The following BACE1 variants were observed in gnomAD, a reference collection of about 807,000 sequenced individuals.
BACE1 encodes the protein APP beta-secretase.
A neutral mutation model predicts 54.0 loss-of-function variants in BACE1; 21 were observed. That is an observed-to-expected ratio of 0.39 (90% confidence interval 0.28 to 0.56). The LOEUF (loss-of-function observed/expected upper bound fraction) is 0.56, where lower values mean the gene tolerates loss of function less well. Ranked by LOEUF, BACE1 falls within the 20% of genes least tolerant of loss-of-function variation. The pLI is 0.63. For synonymous variants in BACE1, 232 were observed against 260.9 expected (o/e 0.89, Z 1.07); for missense variants, 511 against 661.2 (o/e 0.77, Z 2.49).
In BACE1 at chr11:117,290,626, A is replaced by T. The variant is rs2034397292; in HGVS notation, c.1126T>A (p.Ser376Thr). 1 of 1,614,042 alleles carries T rather than the reference A, an allele frequency of 6.2e-7. No individual in the cohort carries two copies. The highest frequency in any genetic ancestry group is 8.5e-7 in the Non-Finnish European group (1 of 1,180,034). The change falls in exon 8 of 9, where the codon TCC (serine) becomes ACC (threonine). Residue 376 changes from serine to threonine, a missense_variant. Ser to Thr is a moderately conservative substitution (Grantham distance 58). Around this residue, in one of 2 missense-constraint regions of BACE1, gnomAD observed 407 missense variants for 565.7 expected, o/e 0.72. Transcript: ENST00000313005. ...YLRPVEDVAT[S>T]QDDCYKFAIS... is the part of the protein sequence containing the mutation. ...GCAAACTTGTAACAGTCGTCTTGGGACGTGGCCACATCTTCCACTGGCCGC... is the reference window on the plus strand; with the variant it reads ...GCAAACTTGTAACAGTCGTCTTGGGTCGTGGCCACATCTTCCACTGGCCGC...
chr11:117,303,867 A>G (rs2034775799), intron 1 of BACE1, among the ~76,000 whole-genome samples: 1 of 152,192 alleles, frequency 6.6e-6, no homozygotes, highest in South Asian at 2.1e-4. Context: ...GAAGCCTTCC[A>G]TTTTACAGAG....
intron 1 of BACE1, among the ~76,000 whole-genome samples, chr11:117,311,838 A>G (rs1427509212): frequency 2.0e-5 from 3 of 151,952 alleles, no homozygotes; most frequent in African/African-American, 4.8e-5. Context: ...ACGGGGTTTC[A>G]CCATATTGGC....
At chr11:117,303,100 G>A (rs1049351466) in intron 1 of BACE1, among the ~76,000 whole-genome samples, 2 of 152,164 alleles carry the variant, frequency 1.3e-5, no homozygotes, top group African/African-American at 4.8e-5. Flanking sequence ...GTGGGGGATG[G>A]AGGGATCTCT....
In BACE1 at chr11:117,290,757, G is replaced by C. The variant is rs1478372511; in HGVS notation, c.1093-98C>G. ...ATGCCCTTCCCTTTACCATCCCTGA[G>C]CTCTAACGGGTTTTCTGAGACCCCT... On this transcript the variant is annotated intron_variant, in intron 7 of 8. Coordinates refer to ENST00000313005, the MANE Select transcript of BACE1 (RefSeq NM_012104.6). 5 of 1,556,216 alleles carry C rather than the reference G, an allele frequency of 3.2e-6. No homozygotes were observed. Among genetic ancestry groups the C allele is most frequent in the Non-Finnish European group, 4.4e-6 (5 of 1,147,646 alleles).
chr11:117,288,605 C>G lies in BACE1; in HGVS notation c.*961G>C, dbSNP rs1255009890. 1 of 152,650 alleles carries G rather than the reference C, an allele frequency of 6.6e-6. No homozygotes were observed. Among genetic ancestry groups the G allele is most frequent in the African/African-American group, 2.4e-5 (1 of 41,452 alleles). The allele number at this position is 152,650 out of a possible 1,614,324, so 9.5% of individuals were successfully genotyped here. Reference sequence around the variant, plus strand: ...CCAGCCCTGCTATAGTCCAGTTGCTCTCCCACAGGGCACCTGGAGCTTAGG... The same window carrying G: ...CCAGCCCTGCTATAGTCCAGTTGCTGTCCCACAGGGCACCTGGAGCTTAGG... On this transcript the variant is annotated 3_prime_UTR_variant, in exon 9 of 9. Transcript: ENST00000313005.
chr11:117,312,091 T>C (rs45614538), intron 1 of BACE1, among the ~76,000 whole-genome samples: 15 of 152,378 alleles, frequency 9.8e-5, no homozygotes, highest in Non-Finnish European at 1.6e-4. Flanking sequence ...TATTTGGCTC[T>C]ATTTTATTTA....
At chr11:117,306,937 T>C (rs2034845007) in intron 1 of BACE1, among the ~76,000 whole-genome samples, 1 of 152,076 alleles carries the variant, frequency 6.6e-6, no homozygotes, top group East Asian at 1.9e-4. Context: ...TCAGGAAATA[T>C]GGTGACAGAG....
At chr11:117,291,885 C>T (rs1440267204) in intron 5 of BACE1, 72 bp from the exon 6 acceptor site, 1 of 1,196,186 alleles carries the variant, frequency 8.4e-7, no homozygotes, top group African/African-American at 1.5e-5. Context: ...TAGGGGGTTA[C>T]TGCTGGGGCC....
intron 1 of BACE1, among the ~76,000 whole-genome samples, chr11:117,301,188 C>T (rs993049554): frequency 2.0e-5 from 3 of 152,186 alleles, no homozygotes; most frequent in African/African-American, 4.8e-5. Flanking sequence ...TCCTCTCTAA[C>T]GACCCTCTCC....
Position 117,315,232 on chromosome 11 carries a change from C to A in BACE1, c.261+303G>T, listed in dbSNP as rs576772651. On this transcript the variant is annotated intron_variant, in intron 1 of 8. Coordinates refer to ENST00000313005, the MANE Select transcript of BACE1 (RefSeq NM_012104.6). The surrounding 1 kb of genome is among the most constrained non-coding windows in gnomAD (Gnocchi z 5.5). ...GACACCTGTTATAGTGCCCCTGTGGCGGACCCTTCCTCCAGGTCAGGGTCC... is the reference window on the plus strand; with the variant it reads ...GACACCTGTTATAGTGCCCCTGTGGAGGACCCTTCCTCCAGGTCAGGGTCC... Among the ~76,000 whole-genome samples the A allele has an allele frequency of 2.0e-5, 3 of 152,180 alleles. No homozygotes were observed. The highest frequency in any genetic ancestry group is 4.4e-5 in the Non-Finnish European group (3 of 68,030).
In BACE1 at chr11:117,295,186, AT is replaced by A; in HGVS notation, c.511del (p.Ile171SerfsTer32). 6.2e-7 allele frequency: 1 copy of A among 1,614,174 alleles called. No individual in the cohort carries two copies. Among genetic ancestry groups the A allele is most frequent in the Non-Finnish European group, 8.5e-7 (1 of 1,180,030 alleles). Reference protein sequence around the residue: ...AAITESDKFFINGSNWEGILG... With the variant: ...AAITESDKFFXNGSNWEGILG... Reference sequence around the variant, plus strand: ...GATGCCTTCCCAGTTGGAGCCGTTGATGAAGAACTTGTCTGATTCAGTGATG... The same window carrying A: ...GATGCCTTCCCAGTTGGAGCCGTTGAGAAGAACTTGTCTGATTCAGTGATG... On this transcript the variant is annotated frameshift_variant, in exon 3 of 9. Transcript: ENST00000313005. LOFTEE classifies it high-confidence loss of function.
In BACE1 at chr11:117,287,202, G is replaced by C. The variant is rs1333418809; in HGVS notation, c.*2364C>G. ...GTGTTTTGGAGAGTTGTGCATGGGAGCGAGCGCCTCAGTGTTACTCTTTCT... is the reference window on the plus strand; with the variant it reads ...GTGTTTTGGAGAGTTGTGCATGGGACCGAGCGCCTCAGTGTTACTCTTTCT... On this transcript the variant is annotated 3_prime_UTR_variant, in exon 9 of 9. Coordinates refer to ENST00000313005, the MANE Select transcript of BACE1 (RefSeq NM_012104.6). 2.0e-5 allele frequency: 3 copies of C among 152,206 alleles called. No individual in the cohort carries two copies. Among genetic ancestry groups the C allele is most frequent in the African/African-American group, 7.2e-5 (3 of 41,422 alleles). The allele number at this position is 152,206 out of a possible 1,614,324, so 9.4% of individuals were successfully genotyped here.
Position 117,316,037 on chromosome 11 carries a change from A to C in BACE1, c.-242T>G. 5.1e-6 allele frequency: 2 copies of C among 394,920 alleles called. No individual in the cohort carries two copies. The highest frequency in any genetic ancestry group is 3.8e-5 in the East Asian group (1 of 26,648). The allele number at this position is 394,920 out of a possible 1,614,324, so 24.5% of individuals were successfully genotyped here. A position where few individuals can be genotyped will look rare whatever the true frequency, so the allele number is the denominator to read the frequency against. ...GGGATCCGGAGCCCGCTACATCGGCACGGCGGCGGCCAGCCTGGGCAGCGG... is the reference window on the plus strand; with the variant it reads ...GGGATCCGGAGCCCGCTACATCGGCCCGGCGGCGGCCAGCCTGGGCAGCGG... On this transcript the variant is annotated 5_prime_UTR_variant, in exon 1 of 9. Transcript: ENST00000313005.
In BACE1 at chr11:117,286,777, G is replaced by A. The variant is rs1398261857; in HGVS notation, c.*2789C>T. 2 of 152,694 alleles carry A rather than the reference G, an allele frequency of 1.3e-5. No homozygotes were observed. The highest frequency in any genetic ancestry group is 2.9e-5 in the Non-Finnish European group (2 of 68,070). The allele number at this position is 152,694 out of a possible 1,614,324, so 9.5% of individuals were successfully genotyped here. A position where few individuals can be genotyped will look rare whatever the true frequency, so the allele number is the denominator to read the frequency against. On this transcript the variant is annotated 3_prime_UTR_variant, in exon 9 of 9. Transcript: ENST00000313005. Reference sequence around the variant, plus strand: ...GGACCTCCTTGGCATCTTGTAGGGTGATTGGAGTGGCCTGAGTACTCAGCT... The same window carrying A: ...GGACCTCCTTGGCATCTTGTAGGGTAATTGGAGTGGCCTGAGTACTCAGCT...
chr11:117,298,659 G>A (rs1404225855), intron 1 of BACE1, among the ~76,000 whole-genome samples: 1 of 152,238 alleles, frequency 6.6e-6, no homozygotes, highest in African/African-American at 2.4e-5. Flanking sequence ...AGGTGACACA[G>A]ACCTAGGAAT....
chr11:117,303,304 G>A (rs2034764256), intron 1 of BACE1, among the ~76,000 whole-genome samples: 1 of 152,204 alleles, frequency 6.6e-6, no homozygotes, highest in Non-Finnish European at 1.5e-5. Context: ...CCTGGGGTCA[G>A]AACTAGGTCA....
At chr11:117,300,739 C>T (rs2034707076) in intron 1 of BACE1, among the ~76,000 whole-genome samples, 1 of 147,366 alleles carries the variant, frequency 6.8e-6, no homozygotes, top group Non-Finnish European at 1.5e-5. Flanking sequence ...AGTCCCTCCT[C>T]CCTTCCCAGG....
rs571508692 is a variant in BACE1 at position 117,293,131 on chromosome 11, G to A, written c.763C>T (p.Arg255Trp). Residue 255 changes from arginine (R) to tryptophan (W), a missense_variant, in exon 5 of 9, where the codon CGG becomes TGG. This residue lies in a region of BACE1 where 407 missense variants were observed against 565.7 expected (regional missense o/e 0.72). Coordinates refer to ENST00000313005, the MANE Select transcript of BACE1 (RefSeq NM_012104.6). The surrounding 1 kb of genome is among the most constrained non-coding windows in gnomAD (Gnocchi z 4.1). ...YTGSLWYTPI[R>W]REWYYEVIIV... ...ATCACCTCATAATACCACTCCCGCC[G>A]GATGGGTGTATACCAGAGACTGCCT... The A allele has an allele frequency of 2.9e-5, 46 of 1,614,028 alleles. No homozygotes were observed. The East Asian group carries it at 7.1e-4, about 25-fold the overall frequency.
At chr11:117,297,001 A>G (rs1423232523) in intron 1 of BACE1, 40 bp from the exon 2 acceptor site, 1 of 1,499,494 alleles carries the variant, frequency 6.7e-7, no homozygotes, top group Non-Finnish European at 9.3e-7. Flanking sequence ...TATAGACAGG[A>G]GGCTTCGGTC....
Sources: gnomAD v4.1 joint callset for allele counts (sites outside exome capture counted in the v4.1 genomes callset) on GRCh38, gnomAD v4.1.1 for gene constraint, gnomAD v4.1.1 regional missense constraint, Gnocchi (gnomAD v3.1) non-coding constraint, MANE v1.5 for transcripts, NCBI Gene and HGNC (gene_info 2026-07-23, HGNC 2026-07-21) for gene names.